Variants in NKAIN2 observed in about 807,000 individuals in gnomAD.
The protein encoded by NKAIN2 is sodium/potassium transporting ATPase interacting 2.
NKAIN2 carries 14 observed loss-of-function variants against 32.6 expected under a neutral mutation model. The observed-to-expected ratio is 0.43, with a 90% confidence interval of 0.28 to 0.67. The LOEUF (loss-of-function observed/expected upper bound fraction) is 0.67, where lower values mean the gene tolerates loss of function less well. Among genes scored for constraint, NKAIN2 ranks in the 30% least tolerant of loss-of-function variants. NKAIN2 has a pLI of 0.17. For synonymous variants in NKAIN2, 80 were observed against 87.2 expected (o/e 0.92, Z 0.46); for missense variants, 198 against 258.3 (o/e 0.77, Z 1.60).
chr6:124,574,911 T>C (rs141592340), intron 3 of NKAIN2, among the ~76,000 whole-genome samples: 1 of 152,334 alleles, frequency 6.6e-6, no homozygotes, highest in East Asian at 1.9e-4. Context: ...TACTGGGTTA[T>C]ACATTCATTC....
At chr6:124,227,982 A>C (rs941170365) in intron 1 of NKAIN2, among the ~76,000 whole-genome samples, 5 of 152,152 alleles carry the variant, frequency 3.3e-5, no homozygotes, top group Non-Finnish European at 7.3e-5. Context: ...GTTCTGGTGA[A>C]GACCCTCTTC....
chr6:123,926,727 A>C (rs980046837), intron 1 of NKAIN2, among the ~76,000 whole-genome samples: 1 of 152,210 alleles, frequency 6.6e-6, no homozygotes, highest in Non-Finnish European at 1.5e-5. Context: ...TAGTCTGCTA[A>C]GAGCTCTCCT....
At chr6:124,303,016 G>A (rs1283654742) in intron 2 of NKAIN2, among the ~76,000 whole-genome samples, 1 of 152,204 alleles carries the variant, frequency 6.6e-6, no homozygotes, top group African/African-American at 2.4e-5. Context: ...ATTTTGGCCT[G>A]TGAAGCAGGC....
intron 1 of NKAIN2, among the ~76,000 whole-genome samples, chr6:123,849,137 A>G (rs1032034212): frequency 6.6e-6 from 1 of 152,204 alleles, no homozygotes; most frequent in Non-Finnish European, 1.5e-5. Flanking sequence ...CTGATACTAT[A>G]TTAGTTTCTC....
At chr6:124,189,696 AAAAT>A (rs896534976) in intron 1 of NKAIN2, among the ~76,000 whole-genome samples, 2 of 152,192 alleles carry the variant, frequency 1.3e-5, no homozygotes, top group Non-Finnish European at 2.9e-5. Context: ...ATAAAAATAA[AAAAT>A]AAAAAGCAAA....
At chr6:124,700,829 A>C (rs1196181918) in intron 4 of NKAIN2, among the ~76,000 whole-genome samples, 1 of 151,986 alleles carries the variant, frequency 6.6e-6, no homozygotes, top group South Asian at 2.1e-4. Context: ...TCCAATAAAA[A>C]GGAATCTACT....
intron 1 of NKAIN2, among the ~76,000 whole-genome samples, chr6:124,103,417 A>G (rs1453694442): frequency 6.6e-6 from 1 of 152,186 alleles, no homozygotes; most frequent in Non-Finnish European, 1.5e-5. Flanking sequence ...CAATTTGAAA[A>G]ACTACATCTG....
chr6:124,669,582 T>C (rs1583615997), intron 4 of NKAIN2, among the ~76,000 whole-genome samples: 1 of 151,982 alleles, frequency 6.6e-6, no homozygotes, highest in Non-Finnish European at 1.5e-5. Flanking sequence ...ACATTCAGGG[T>C]AGGGAACTCT....
chr6:124,806,811 AAAAC>A (rs776111420), intron 5 of NKAIN2, among the ~76,000 whole-genome samples: 2,450 of 142,954 alleles, frequency 0.017, 4 homozygotes, highest in South Asian at 0.041. Context: ...AAGCAAATGG[AAAAC>A]AAAAAAAGGC....
intron 2 of NKAIN2, among the ~76,000 whole-genome samples, chr6:124,311,191 A>AC (rs759840404): frequency 1.9e-4 from 29 of 152,106 alleles, no homozygotes; most frequent in African/African-American, 6.7e-4. Context: ...TTCCACTGTG[A>AC]CCCCCATCCT....
rs182522425 is a variant in NKAIN2, at chr6:124,573,015, T to C, written c.274-85171T>C. Among the ~76,000 whole-genome samples, 429 of 152,152 alleles carry C rather than the reference T, an allele frequency of 2.8e-3. 8 individuals carry two copies. The highest frequency in any genetic ancestry group is 0.01 in the Middle Eastern group (3 of 294). ...ACACCATGCCCGGCTAATTTTTGTA[T>C]TTTTAGTAGAGATGGGGTTTCACTC... On this transcript the variant is annotated intron_variant, in intron 3 of 6. Transcript: ENST00000368417.
chr6:124,143,009 C>T (rs994516410), intron 1 of NKAIN2, among the ~76,000 whole-genome samples: 1 of 152,148 alleles, frequency 6.6e-6, no homozygotes. Context: ...GAAAATGACT[C>T]AACCTATTTA....
At chr6:124,462,055 A>C (rs1776553167) in intron 3 of NKAIN2, among the ~76,000 whole-genome samples, 1 of 151,930 alleles carries the variant, frequency 6.6e-6, no homozygotes. Context: ...ATATTTCAGC[A>C]CATTTTAATG....
intron 1 of NKAIN2, among the ~76,000 whole-genome samples, chr6:124,132,673 A>G (rs965546647): frequency 2.6e-5 from 4 of 152,202 alleles, no homozygotes; most frequent in African/African-American, 4.8e-5. Context: ...CAATAAACCT[A>G]GCTACAACCA....
chr6:124,177,125 C>T (rs1056309314), intron 1 of NKAIN2, among the ~76,000 whole-genome samples: 2 of 151,644 alleles, frequency 1.3e-5, no homozygotes, highest in Admixed American at 6.6e-5. Flanking sequence ...TTTGACAAAC[C>T]CTTGAAATCC....
chr6:123,984,261 G>A (rs1779034224), intron 1 of NKAIN2, among the ~76,000 whole-genome samples: 1 of 151,962 alleles, frequency 6.6e-6, no homozygotes, highest in Non-Finnish European at 1.5e-5. Context: ...TAAAATTGCT[G>A]TTGTTACTAT....
chr6:124,215,376 C>CA (rs1033280458), intron 1 of NKAIN2, among the ~76,000 whole-genome samples: 5 of 151,832 alleles, frequency 3.3e-5, no homozygotes, highest in African/African-American at 9.7e-5. Flanking sequence ...ACAAATAATA[C>CA]AAAAAAGAAT....
At chr6:124,812,892 C>G (rs116167794) in intron 5 of NKAIN2, among the ~76,000 whole-genome samples, 3,095 of 152,216 alleles carry the variant, frequency 0.02, 104 homozygotes, top group African/African-American at 0.071. Flanking sequence ...TCATTGACAT[C>G]TTTCCTTCCT....
chr6:124,282,967 T>C, intron 1 of NKAIN2, 38 bp from the exon 2 acceptor site: 27 of 1,603,770 alleles, frequency 1.7e-5, no homozygotes, highest in Non-Finnish European at 2.2e-5. Context: ...GTGCTGTTTC[T>C]CACATGCTGA....
Sources: gnomAD v4.1 joint callset for allele counts (sites outside exome capture counted in the v4.1 genomes callset) on GRCh38, gnomAD v4.1.1 for gene constraint, MANE v1.5 for transcripts, NCBI Gene and HGNC (gene_info 2026-07-23, HGNC 2026-07-21) for gene names.